Variants in RETREG2 observed in about 807,000 individuals in gnomAD.
RETREG2 encodes the protein reticulophagy regulator 2.
A neutral mutation model predicts 51.6 loss-of-function variants in RETREG2; 21 were observed. The ratio of observed to expected loss-of-function variants is 0.41; its 90% CI spans 0.29 to 0.59. The LOEUF (loss-of-function observed/expected upper bound fraction) is 0.59, where lower values mean the gene tolerates loss of function less well. RETREG2 is among the 20% of genes least tolerant of loss of function. RETREG2 has a pLI of 0.34. For synonymous variants in RETREG2, 339 were observed against 288.6 expected, an observed-to-expected ratio of 1.17 and a Z score of -1.77; for missense variants, 674 against 646.0, an observed-to-expected ratio of 1.04 and a Z score of -0.47.
chr2:219,184,718 A>G lies in RETREG2; in HGVS notation c.*2089A>G, dbSNP rs1367570129. ...TTTCTTATTAAGCTTGGACATTGAC[A>G]ATAGAACCAGAAGCTTGTAGCTGGA... On this transcript the variant is annotated 3_prime_UTR_variant, in exon 9 of 9. Coordinates refer to ENST00000430297, the MANE Select transcript of RETREG2 (RefSeq NM_024293.6). The G allele has an allele frequency of 1.3e-5, 2 of 152,084 alleles. No homozygotes were observed. The highest frequency in any genetic ancestry group is 2.9e-5 in the Non-Finnish European group (2 of 68,022). The allele number at this position is 152,084 out of a possible 1,614,324, so 9.4% of individuals were successfully genotyped here. A position where few individuals can be genotyped will look rare whatever the true frequency, so the allele number is the denominator to read the frequency against.
rs1311809933 is a variant in RETREG2 at position 219,184,601 on chromosome 2, A to G, written c.*1972A>G. 6.6e-6 allele frequency: 1 copy of G among 152,146 alleles called. No homozygotes were observed. Among genetic ancestry groups the G allele is most frequent in the Non-Finnish European group, 1.5e-5 (1 of 68,024 alleles). 9.4% of individuals were successfully genotyped at this position (152,146 alleles called of 1,614,324 possible). On this transcript the variant is annotated 3_prime_UTR_variant, in exon 9 of 9. Transcript: ENST00000430297. The stretch of plus-strand genomic sequence containing the variant: ...TCATCACTTAGAGATTTCAGAGGGG[A>G]ATGGAAAAACAGTTCTAATCAATAA...
Position 219,178,428 on chromosome 2 carries a change from C to G in RETREG2, c.76C>G (p.Leu26Val), listed in dbSNP as rs1185267336. 1.5e-6 allele frequency: 1 copy of G among 646,164 alleles called. No homozygotes were observed. The allele number at this position is 646,164 out of a possible 1,614,324, so 40.0% of individuals were successfully genotyped here. Residue 26 changes from leucine to valine, a missense_variant, in exon 1 of 9, where the codon CTG (leucine) becomes GTG (valine). Physicochemically the swap from Leu to Val is conservative, Grantham distance 32 (BLOSUM62 1). Transcript: ENST00000430297. The part of the protein sequence containing the change: ...PGMGLSLGLG[L>V]GLSLGMSEAT... ...GATGGGCCTGAGCCTGGGCCTGGGT[C>G]TGGGTCTGAGCCTAGGCATGAGTGA... is the stretch of plus-strand genomic sequence containing the variant.
rs374562597 is a variant in RETREG2, at chr2:219,181,059, T to C, written c.641-3T>C. 2 of 1,613,960 alleles carry C rather than the reference T, an allele frequency of 1.2e-6. No homozygotes were observed. The highest frequency in any genetic ancestry group is 8.5e-7 in the Non-Finnish European group (1 of 1,179,978). ...GCTCTTAGTTCACGTTCTTAACCCA[T>C]AGTGTTGAGTATCCTGCTGTGGCCC... On this transcript the variant is annotated splice_region_variant and splice_polypyrimidine_tract_variant and intron_variant, in intron 5 of 8. Coordinates refer to ENST00000430297, the MANE Select transcript of RETREG2 (RefSeq NM_024293.6).
At position 219,182,525 on chromosome 2, in the gene RETREG2, G is replaced by C. The variant is rs746418854; in HGVS notation, c.1528G>C (p.Glu510Gln). 1 of 1,614,138 alleles carries C rather than the reference G, an allele frequency of 6.2e-7. No homozygotes were observed. Among genetic ancestry groups the C allele is most frequent in the East Asian group, 2.2e-5 (1 of 44,884 alleles). ...GCAGCTGAATGCAGAGCTGGGCTTG[G>C]AGCCAGAGACACCGCCAAAACCCCC... The part of the protein sequence containing the change: ...LEQLNAELGL[E>Q]PETPPKPPDA... The change falls in exon 9 of 9, where the codon GAG becomes CAG. Residue 510 changes from glutamate to glutamine, a missense_variant. Glu to Gln is a conservative substitution (Grantham distance 29). Coordinates refer to ENST00000430297, the MANE Select transcript of RETREG2 (RefSeq NM_024293.6).
chr2:219,178,606 C>T lies in RETREG2; in HGVS notation c.254C>T (p.Thr85Met), dbSNP rs1319326753. 6 of 1,454,858 alleles carry T rather than the reference C, an allele frequency of 4.1e-6. No homozygotes were observed. The highest frequency in any genetic ancestry group is 2.6e-5 in the South Asian group (2 of 75,592). The allele number at this position is 1,454,858 out of a possible 1,614,324, so 90.1% of individuals were successfully genotyped here. A position where few individuals can be genotyped will look rare whatever the true frequency, so the allele number is the denominator to read the frequency against. The change falls in exon 1 of 9, where the codon ACG becomes ATG. Residue 85 changes from threonine (T) to methionine (M), a missense_variant. By Grantham distance (81) the Thr-to-Met change is moderately conservative. Transcript: ENST00000430297. ...VWEKPLHSLV[T>M]AAALNGLFWL... ...GAGAAGCCGCTGCACAGCCTGGTCACGGCGGCCGCGCTCAACGGCCTCTTC... is the reference window on the plus strand; with the variant it reads ...GAGAAGCCGCTGCACAGCCTGGTCATGGCGGCCGCGCTCAACGGCCTCTTC...
chr2:219,182,705 A>G lies in RETREG2; in HGVS notation c.*76A>G, dbSNP rs1020194669. 9.0e-6 allele frequency: 14 copies of G among 1,547,942 alleles called. No individual in the cohort carries two copies. The East Asian group carries it at 2.5e-4, about 28-fold the overall frequency. On this transcript the variant is annotated 3_prime_UTR_variant, in exon 9 of 9. Coordinates refer to ENST00000430297, the MANE Select transcript of RETREG2 (RefSeq NM_024293.6). ...AGTGTTGCTGTTTCCTCCTTTGCCTACCACTCTGGGGTGGGGCAGTGTGTG... is the reference window on the plus strand; with the variant it reads ...AGTGTTGCTGTTTCCTCCTTTGCCTGCCACTCTGGGGTGGGGCAGTGTGTG...
intron 3 of RETREG2, 129 bp from the exon 4 acceptor site, chr2:219,179,981 C>G: frequency 7.5e-7 from 1 of 1,335,820 alleles, no homozygotes; most frequent in South Asian, 1.3e-5. Flanking sequence ...AAGACCAGGA[C>G]AGCCTCCTTT....
At position 219,182,218 on chromosome 2, in the gene RETREG2, T is replaced by G; in HGVS notation, c.1221T>G (p.Phe407Leu). 6.2e-7 allele frequency: 1 copy of G among 1,614,088 alleles called. No individual in the cohort carries two copies. The highest frequency in any genetic ancestry group is 8.5e-7 in the Non-Finnish European group (1 of 1,180,000). The part of the protein sequence containing the change: ...TLLRLSSPLH[F>L]VNTHFNGAGS... ...TGCGGCTCTCATCCCCCCTCCACTT[T>G]GTGAACACGCACTTCAATGGGGCAG... The change falls in exon 9 of 9, where the codon TTT becomes TTG. Residue 407 changes from phenylalanine (F) to leucine (L), a missense_variant. Physicochemically the swap from Phe to Leu is conservative, Grantham distance 22. Coordinates refer to ENST00000430297, the MANE Select transcript of RETREG2 (RefSeq NM_024293.6).
chr2:219,181,897 C>T (rs1207203420), intron 8 of RETREG2, 116 bp from the exon 9 acceptor site: 7 of 1,555,938 alleles, frequency 4.5e-6, no homozygotes, highest in East Asian at 2.3e-5. Flanking sequence ...AAGACCTTAA[C>T]ACCTAAGGCT....
Position 219,183,640 on chromosome 2 carries a change from C to T in RETREG2, c.*1011C>T, listed in dbSNP as rs1377211620. The T allele has an allele frequency of 6.6e-6, 1 of 152,176 alleles. No individual in the cohort carries two copies. Among genetic ancestry groups the T allele is most frequent in the Non-Finnish European group, 1.5e-5 (1 of 68,034 alleles). 9.4% of individuals were successfully genotyped at this position (152,176 alleles called of 1,614,324 possible). A position where few individuals can be genotyped will look rare whatever the true frequency, so the allele number is the denominator to read the frequency against. ...CCGAAGCAAGGATTACCTTGACAACCCTAGCTTCTCCTTAGCCATCTTCCT... is the reference window on the plus strand; with the variant it reads ...CCGAAGCAAGGATTACCTTGACAACTCTAGCTTCTCCTTAGCCATCTTCCT... On this transcript the variant is annotated 3_prime_UTR_variant, in exon 9 of 9. Coordinates refer to ENST00000430297, the MANE Select transcript of RETREG2 (RefSeq NM_024293.6).
intron 6 of RETREG2, 22 bp from the exon 7 acceptor site, chr2:219,181,347 T>C: frequency 6.2e-7 from 1 of 1,612,726 alleles, no homozygotes; most frequent in Non-Finnish European, 8.5e-7. Flanking sequence ...TGGTCATTGC[T>C]CTACTACTCT....
chr2:219,182,427 C>A lies in RETREG2; in HGVS notation c.1430C>A (p.Pro477His). The change falls in exon 9 of 9, where the codon CCC becomes CAC. Residue 477 changes from proline (P) to histidine (H), a missense_variant. Pro to His is a moderately conservative substitution (Grantham distance 77). Transcript: ENST00000430297. ...LPPVPQDSPQ[P>H]LPAPEEEEAL... is the part of the protein sequence containing the mutation. ...CCTGTTCCCCAGGACTCACCCCAGC[C>A]CCTGCCTGCCCCTGAGGAAGAAGAG... is the stretch of plus-strand genomic sequence containing the variant. 1.2e-6 allele frequency: 2 copies of A among 1,614,144 alleles called. No homozygotes were observed. Among genetic ancestry groups the A allele is most frequent in the Non-Finnish European group, 1.7e-6 (2 of 1,180,014 alleles).
intron 2 of RETREG2, 129 bp from the exon 3 acceptor site, chr2:219,179,604 A>G: frequency 1.2e-6 from 1 of 822,416 alleles, no homozygotes; most frequent in East Asian, 2.4e-5. Flanking sequence ...AAAAACATGT[A>G]ACAGCTCCCC....
Position 219,184,823 on chromosome 2 carries a change from G to GTTTTTTTTTTTTTTTTTTTTTTTTTT in RETREG2, c.*2194_*2195insTTTTTTTTTTTTTTTTTTTTTTTTTT, listed in dbSNP as rs1559224136. Reference sequence around the variant, plus strand: ...GTTGTTTTGGTTTTTTGTTTTTTGTGGGTTTTTTTTTTTTTTTTTTTGAGA... The same window carrying GTTTTTTTTTTTTTTTTTTTTTTTTTT: ...GTTGTTTTGGTTTTTTGTTTTTTGTGTTTTTTTTTTTTTTTTTTTTTTTTTTGGTTTTTTTTTTTTTTTTTTTGAGA... On this transcript the variant is annotated 3_prime_UTR_variant, in exon 9 of 9. Coordinates refer to ENST00000430297, the MANE Select transcript of RETREG2 (RefSeq NM_024293.6). The GTTTTTTTTTTTTTTTTTTTTTTTTTT allele has an allele frequency of 3.2e-5, 1 of 30,804 alleles. No homozygotes were observed. The highest frequency in any genetic ancestry group is 6.6e-5 in the African/African-American group (1 of 15,234). The allele number at this position is 30,804 out of a possible 1,614,324, so 1.9% of individuals were successfully genotyped here. A position where few individuals can be genotyped will look rare whatever the true frequency, so the allele number is the denominator to read the frequency against.
intron 5 of RETREG2, 46 bp downstream of exon 5, chr2:219,180,800 T>A (rs1232515152): frequency 1.2e-6 from 2 of 1,604,586 alleles, no homozygotes; most frequent in African/African-American, 2.7e-5. Context: ...TCTCCTTTCT[T>A]CTTTCCTTGG....
In RETREG2 at chr2:219,180,094, T is replaced by C. The variant is rs779421039; in HGVS notation, c.420-16T>C. On this transcript the variant is annotated splice_polypyrimidine_tract_variant and intron_variant, in intron 3 of 8. Transcript: ENST00000430297. ...TGGTATCTGAGGCCTCCAGGGGTCATGTCATGTCTCCCCAGTGAGGGTGCG... is the reference window on the plus strand; with the variant it reads ...TGGTATCTGAGGCCTCCAGGGGTCACGTCATGTCTCCCCAGTGAGGGTGCG... The C allele has an allele frequency of 3.1e-6, 5 of 1,613,800 alleles. No individual in the cohort carries two copies. The highest frequency in any genetic ancestry group is 3.3e-5 in the Admixed American group (2 of 60,014).
At chr2:219,180,962 G>T in intron 5 of RETREG2, 100 bp from the exon 6 acceptor site, 1 of 1,534,114 alleles carries the variant, frequency 6.5e-7, no homozygotes, top group South Asian at 1.2e-5. Context: ...CTTGGGAAAG[G>T]ACCTTGCCTA....
At chr2:219,180,084 C>T in intron 3 of RETREG2, 26 bp from the exon 4 acceptor site, 1 of 1,613,436 alleles carries the variant, frequency 6.2e-7, no homozygotes, top group Non-Finnish European at 8.5e-7. Context: ...TCTGAGGCCT[C>T]CAGGGGTCAT....
chr2:219,181,306 T>A, intron 6 of RETREG2, 63 bp from the exon 7 acceptor site: 1 of 1,606,460 alleles, frequency 6.2e-7, no homozygotes, highest in Non-Finnish European at 8.5e-7. Context: ...GTTCTTTAGC[T>A]GTGTTTGTCT....
Sources: gnomAD v4.1 joint callset for allele counts on GRCh38, gnomAD v4.1.1 for gene constraint, MANE v1.5 for transcripts, NCBI Gene and HGNC (gene_info 2026-07-23, HGNC 2026-07-21) for gene names.